LAMB1: variants seen among roughly 807,000 people sequenced by gnomAD.
The protein encoded by LAMB1 is laminin subunit beta-1.
Under a neutral mutation model 222.3 loss-of-function variants are expected in LAMB1, and 121 were observed. The observed-to-expected ratio is 0.54, with a 90% CI of 0.47 to 0.63. LAMB1 has a LOEUF of 0.63. Ranked by LOEUF, LAMB1 falls within the 30% of genes least tolerant of loss-of-function variation. The pLI is 0.00. For missense variants in LAMB1, 2,172 were observed against 2,240.8 expected (o/e 0.97, Z 0.62); for synonymous variants, 794 against 807.2 (o/e 0.98, Z 0.28).
intron 13 of LAMB1, among the ~76,000 whole-genome samples, chr7:107,970,678 C>T (rs923197926): frequency 1.3e-5 from 2 of 151,882 alleles, no homozygotes; most frequent in Non-Finnish European, 2.9e-5. Context: ...ATCTACTAGG[C>T]AAAACTTCAT....
rs374619279 is a variant in LAMB1 at position 107,967,193 on chromosome 7, C to T, written c.1563-2506G>A. On this transcript the variant is annotated intron_variant, in intron 13 of 33. Coordinates refer to ENST00000222399, the MANE Select transcript of LAMB1 (RefSeq NM_002291.3). ...TGTTTCTGCCAGTAGATTTAAAATTCTTCTCATGGTATAGGTGAGACATCA... is the reference window on the plus strand; with the variant it reads ...TGTTTCTGCCAGTAGATTTAAAATTTTTCTCATGGTATAGGTGAGACATCA... 2.0e-5 allele frequency among the ~76,000 whole-genome samples: 3 copies of T among 152,320 alleles called. No homozygotes were observed. The East Asian group carries it at 5.8e-4, about 29-fold the overall frequency.
intron 24 of LAMB1, among the ~76,000 whole-genome samples, chr7:107,948,199 C>T (rs972880518): frequency 9.2e-5 from 14 of 152,064 alleles, no homozygotes; most frequent in African/African-American, 3.4e-4. Context: ...GTTGGTCCGG[C>T]TGGTGTCGGA....
intron 15 of LAMB1, 22 bp from the exon 16 acceptor site, chr7:107,961,698 G>C (rs2033507941): frequency 1.2e-6 from 2 of 1,605,502 alleles, no homozygotes; most frequent in East Asian, 4.5e-5. Context: ...AACAAACAAT[G>C]AAAAGATAGT....
rs750905771 is a variant in LAMB1, at chr7:107,975,501, A to T, written c.1190-88T>A. The T allele has an allele frequency of 4.4e-6, 6 of 1,367,190 alleles. No individual in the cohort carries two copies. The African/African-American group carries it at 4.4e-5, about 10-fold the overall frequency. 84.7% of individuals were successfully genotyped at this position (1,367,190 alleles called of 1,614,324 possible). Reference sequence around the variant, plus strand: ...TACATATATTCCCTTCCTCCCTCTAAATCTCACAAAAGTCGACTAAAAGCA... The same window carrying T: ...TACATATATTCCCTTCCTCCCTCTATATCTCACAAAAGTCGACTAAAAGCA... On this transcript the variant is annotated intron_variant, in intron 10 of 33. Transcript: ENST00000222399.
In LAMB1 at chr7:107,975,218, T is replaced by C; in HGVS notation, c.1369+16A>G. The C allele has an allele frequency of 6.2e-7, 1 of 1,601,186 alleles. No homozygotes were observed. The highest frequency in any genetic ancestry group is 8.5e-7 in the Non-Finnish European group (1 of 1,170,852). On this transcript the variant is annotated intron_variant, in intron 11 of 33. Transcript: ENST00000222399. Reference sequence around the variant, plus strand: ...AACACAAGAAAACTCCCAAACTTTTTAGCAAACAGACCTACATTTACAACC... The same window carrying C: ...AACACAAGAAAACTCCCAAACTTTTCAGCAAACAGACCTACATTTACAACC...
At chr7:107,978,600 C>A (rs2033915307) in intron 8 of LAMB1, among the ~76,000 whole-genome samples, 1 of 151,980 alleles carries the variant, frequency 6.6e-6, no homozygotes, top group Non-Finnish European at 1.5e-5. Flanking sequence ...ACCACTTAGC[C>A]AAATCACCAT....
chr7:107,993,996 G>T (rs1033707153), intron 5 of LAMB1, among the ~76,000 whole-genome samples: 1 of 152,234 alleles, frequency 6.6e-6, no homozygotes, highest in African/African-American at 2.4e-5. Context: ...TGGTGGCAGA[G>T]ACAGTGAGAC....
At chr7:107,999,222 C>G (rs79595854) in intron 3 of LAMB1, among the ~76,000 whole-genome samples, 1 of 152,228 alleles carries the variant, frequency 6.6e-6, no homozygotes, top group Non-Finnish European at 1.5e-5. Flanking sequence ...TACTTTCTTT[C>G]TCCTAAAATG....
intron 5 of LAMB1, among the ~76,000 whole-genome samples, chr7:107,987,840 G>T (rs1285664848): frequency 6.6e-6 from 1 of 152,190 alleles, no homozygotes. Flanking sequence ...TGTTTTCCAG[G>T]CAGTGGGTGG....
intron 1 of LAMB1, 53 bp from the exon 2 acceptor site, chr7:108,003,024 G>T: frequency 6.8e-7 from 1 of 1,468,758 alleles, no homozygotes; most frequent in Non-Finnish European, 8.9e-7. Context: ...GAGAGAAGAG[G>T]CGCCCTTCCA....
intron 4 of LAMB1, among the ~76,000 whole-genome samples, chr7:107,996,989 G>A (rs1433822828): frequency 6.6e-6 from 1 of 152,156 alleles, no homozygotes; most frequent in East Asian, 1.9e-4. Flanking sequence ...ACCAAAATAT[G>A]CCCCCGTAAG....
At chr7:108,002,381 G>A in intron 2 of LAMB1, 1 of 1,317,672 alleles carries the variant, frequency 7.6e-7, no homozygotes, top group South Asian at 1.2e-5. Context: ...AGGTCCTGCT[G>A]TTTCTGGTGC....
intron 10 of LAMB1, 107 bp downstream of exon 10, chr7:107,975,582 A>C: frequency 1.5e-6 from 2 of 1,294,496 alleles, no homozygotes; most frequent in Non-Finnish European, 2.1e-6. Context: ...TTACAATAAC[A>C]ATGCTGGCTT....
chr7:107,962,514 G>A (rs1320759242), intron 15 of LAMB1, among the ~76,000 whole-genome samples: 1 of 152,192 alleles, frequency 6.6e-6, no homozygotes, highest in African/African-American at 2.4e-5. Flanking sequence ...AGGAGTTCAA[G>A]ATCAGCCTGG....
intron 20 of LAMB1, among the ~76,000 whole-genome samples, chr7:107,958,855 C>T (rs1016240710): frequency 1.3e-5 from 2 of 152,138 alleles, no homozygotes; most frequent in African/African-American, 2.4e-5. Context: ...AAAAACAAAG[C>T]TATTTAAAAT....
chr7:107,974,893 G>C, intron 12 of LAMB1, 93 bp downstream of exon 12: 2 of 747,140 alleles, frequency 2.7e-6, no homozygotes, highest in South Asian at 1.4e-5. Context: ...ACACGTGAGG[G>C]TGATCGCAGA....
At position 107,953,658 on chromosome 7, in the gene LAMB1, G is replaced by A. The variant is rs373568948; in HGVS notation, c.2951C>T (p.Thr984Met). The A allele has an allele frequency of 5.8e-5, 93 of 1,614,126 alleles. No homozygotes were observed. The African/African-American group carries it at 7.7e-4, about 13-fold the overall frequency. Residue 984 changes from threonine to methionine, a missense_variant, in exon 22 of 34, where the codon ACG becomes ATG. Coordinates refer to ENST00000222399, the MANE Select transcript of LAMB1 (RefSeq NM_002291.3). ...CTTGTCACAGGCTTCTGGGTCTGTC[G>A]TGTCAATGTTGTTGTGACACTGGCA... ...QPCQCHNNID[T>M]TDPEACDKET...
chr7:107,993,289 A>G (rs2034220301), intron 5 of LAMB1, among the ~76,000 whole-genome samples: 1 of 152,030 alleles, frequency 6.6e-6, no homozygotes, highest in South Asian at 2.1e-4. Context: ...GCGTGCCACC[A>G]CGCCTGGCTA....
In LAMB1 at chr7:107,959,935, T is replaced by C; in HGVS notation, c.2315-101A>G. The stretch of plus-strand genomic sequence containing the variant: ...AACTACTTTGGATTATTCAGAGTTC[T>C]GGTTTAAAACAGTATCATCCCTATG... On this transcript the variant is annotated intron_variant, in intron 18 of 33. Transcript: ENST00000222399. 4 of 1,444,056 alleles carry C rather than the reference T, an allele frequency of 2.8e-6. No individual in the cohort carries two copies. In the South Asian group the frequency reaches 4.1e-5, roughly 15 times the overall value. 89.5% of individuals were successfully genotyped at this position (1,444,056 alleles called of 1,614,324 possible).
Sources: gnomAD v4.1 joint callset for allele counts (sites outside exome capture counted in the v4.1 genomes callset) on GRCh38, gnomAD v4.1.1 for gene constraint, MANE v1.5 for transcripts, NCBI Gene and HGNC (gene_info 2026-07-23, HGNC 2026-07-21) for gene names.